Variants in CDADC1 observed in about 807,000 individuals in gnomAD.
The protein encoded by CDADC1 is cytidine and dCMP deaminase domain containing 1, also known as dCTP deaminase.
Under a neutral mutation model 54.9 loss-of-function variants are expected in CDADC1, and 39 were observed. That is an observed-to-expected ratio of 0.71 (90% CI 0.55 to 0.93). The LOEUF (loss-of-function observed/expected upper bound fraction) is 0.93, where lower values mean the gene tolerates loss of function less well. Among genes scored for constraint, CDADC1 ranks in the 40% least tolerant of loss-of-function variants. The pLI, the probability that CDADC1 is intolerant of heterozygous loss-of-function variation, is 0.00. For missense variants in CDADC1, 518 were observed against 618.8 expected (o/e 0.84, Z 1.73); for synonymous variants, 186 against 204.0 (o/e 0.91, Z 0.75).
intron 9 of CDADC1, among the ~76,000 whole-genome samples, chr13:49,289,971 A>G (rs9535192): frequency 0.31 from 47,754 of 151,774 alleles, 7,538 homozygotes; most frequent in East Asian, 0.5. Context: ...ACCTGAGCCC[A>G]GGAGGTTGAG....
In CDADC1 at chr13:49,267,735, G is replaced by T; in HGVS notation, c.676G>T (p.Asp226Tyr). Reference sequence around the variant, plus strand: ...AAAAACATTGCCGGATGCTAACACTGACTTTTATTATGAATGTAAACAAGA... The same window carrying T: ...AAAAACATTGCCGGATGCTAACACTTACTTTTATTATGAATGTAAACAAGA... ...ITKTLPDANT[D>Y]FYYECKQERI... Residue 226 changes from aspartate to tyrosine, a missense_variant, in exon 5 of 10, where the codon GAC becomes TAC. Transcript: ENST00000251108. 6.2e-7 allele frequency: 1 copy of T among 1,611,104 alleles called. No homozygotes were observed. Among genetic ancestry groups the T allele is most frequent in the South Asian group, 1.1e-5 (1 of 90,200 alleles).
intron 5 of CDADC1, among the ~76,000 whole-genome samples, chr13:49,271,598 G>A (rs1952966421): frequency 6.6e-6 from 1 of 151,644 alleles, no homozygotes; most frequent in Non-Finnish European, 1.5e-5. Flanking sequence ...GAAGCCAGGA[G>A]TTGCCTCTTT....
chr13:49,275,885 C>T (rs1953119542), intron 6 of CDADC1, among the ~76,000 whole-genome samples: 1 of 151,636 alleles, frequency 6.6e-6, no homozygotes, highest in Non-Finnish European at 1.5e-5. Flanking sequence ...TCTCCTGTCT[C>T]AGCCTCCCCA....
At chr13:49,268,835 C>T (rs542045361) in intron 5 of CDADC1, among the ~76,000 whole-genome samples, 43 of 152,050 alleles carry the variant, frequency 2.8e-4, no homozygotes, top group Non-Finnish European at 4.9e-4. Context: ...CTTCCAGTTG[C>T]TGGTATGTCT....
rs1332234574 is a variant in CDADC1 at position 49,270,782 on chromosome 13, A to G, written c.1000+2723A>G. On this transcript the variant is annotated intron_variant, in intron 5 of 9. Coordinates refer to ENST00000251108, the MANE Select transcript of CDADC1 (RefSeq NM_030911.4). The stretch of plus-strand genomic sequence containing the variant: ...AATTCTTCCTTAATGATAAATAATA[A>G]CAATGACAGTTTATGGAACACCTAC... Among the ~76,000 whole-genome samples the G allele has an allele frequency of 2.6e-5, 4 of 152,226 alleles. No individual in the cohort carries two copies. In the South Asian group the frequency reaches 8.3e-4, roughly 31 times the overall value.
intron 8 of CDADC1, among the ~76,000 whole-genome samples, chr13:49,281,347 G>A (rs1172285315): frequency 1.3e-5 from 2 of 152,136 alleles, no homozygotes; most frequent in Admixed American, 6.5e-5. Flanking sequence ...GGTGGATAGA[G>A]GTGAAAATAC....
At chr13:49,248,727 C>A (rs903496694) in intron 1 of CDADC1, 144 bp from the exon 2 acceptor site, 12 of 659,742 alleles carry the variant, frequency 1.8e-5, no homozygotes, top group Non-Finnish European at 3.3e-5. Context: ...GCTAAGATAC[C>A]TCTGACTCTC....
intron 6 of CDADC1, among the ~76,000 whole-genome samples, chr13:49,275,487 G>C (rs545597157): frequency 6.6e-6 from 1 of 151,272 alleles, no homozygotes; most frequent in Non-Finnish European, 1.5e-5. Context: ...ATAACACACA[G>C]AGACTGGGGT....
chr13:49,287,063 T>C (rs1953532727), intron 9 of CDADC1, among the ~76,000 whole-genome samples: 1 of 152,194 alleles, frequency 6.6e-6, no homozygotes, highest in African/African-American at 2.4e-5. Flanking sequence ...TCATGGCACA[T>C]GCCTGTAATC....
rs766964554 is a variant in CDADC1, at chr13:49,267,893, C to T, written c.834C>T (p.Asp278=). The T allele has an allele frequency of 1.2e-6, 2 of 1,614,138 alleles. No homozygotes were observed. The highest frequency in any genetic ancestry group is 1.7e-6 in the Non-Finnish European group (2 of 1,180,022). ...GCAATCTAAGGCAAAACATGAAAGACCTTATCCTACTTTTGGCCACAGTAG... is the reference window on the plus strand; with the variant it reads ...GCAATCTAAGGCAAAACATGAAAGATCTTATCCTACTTTTGGCCACAGTAG... The part of the protein sequence containing the change: ...YFSNLRQNMK[D]LILLLATVAS... Residue 278 remains aspartate (D), a synonymous_variant, in exon 5 of 10, where the codon GAC becomes GAT. Coordinates refer to ENST00000251108, the MANE Select transcript of CDADC1 (RefSeq NM_030911.4).
intron 5 of CDADC1, among the ~76,000 whole-genome samples, chr13:49,269,113 G>A (rs1010989339): frequency 6.6e-6 from 1 of 152,176 alleles, no homozygotes; most frequent in Admixed American, 6.5e-5. Context: ...GTGTACTGTA[G>A]TAGGATTTAA....
At position 49,248,022 on chromosome 13, in the gene CDADC1, G is replaced by C. The variant is rs868232118; in HGVS notation, c.-16G>C. On this transcript the variant is annotated 5_prime_UTR_variant, in exon 1 of 10. Transcript: ENST00000251108. ...TGGGAGAGGTTTCCTTGGCAGCAGA[G>C]GACGCTAGGTTTGGGATGAAAGAAG... The C allele has an allele frequency of 9.0e-6, 14 of 1,551,514 alleles. No individual in the cohort carries two copies. Among genetic ancestry groups the C allele is most frequent in the Non-Finnish European group, 1.2e-5 (14 of 1,146,910 alleles).
chr13:49,266,880 A>C (rs908893848), intron 4 of CDADC1, among the ~76,000 whole-genome samples: 4 of 152,184 alleles, frequency 2.6e-5, no homozygotes, highest in African/African-American at 9.7e-5. Flanking sequence ...ATAGAAAACT[A>C]GGCAATATTA....
intron 8 of CDADC1, among the ~76,000 whole-genome samples, chr13:49,283,649 A>C (rs1297417387): frequency 6.6e-6 from 1 of 152,194 alleles, no homozygotes; most frequent in Non-Finnish European, 1.5e-5. Context: ...GAAGAACTTA[A>C]GAAAGGGCAA....
At chr13:49,256,884 T>C (rs989461761) in intron 3 of CDADC1, among the ~76,000 whole-genome samples, 2 of 152,218 alleles carry the variant, frequency 1.3e-5, no homozygotes, top group African/African-American at 4.8e-5. Flanking sequence ...AAAAAAATAG[T>C]GAATCACCAT....
At chr13:49,282,350 C>A (rs1310990620) in intron 8 of CDADC1, among the ~76,000 whole-genome samples, 4 of 149,456 alleles carry the variant, frequency 2.7e-5, no homozygotes, top group African/African-American at 9.9e-5. Flanking sequence ...TGGGCTCAAG[C>A]GATCTGCCTG....
intron 4 of CDADC1, 28 bp downstream of exon 4, chr13:49,259,551 A>T: frequency 1.2e-6 from 2 of 1,604,626 alleles, no homozygotes; most frequent in Non-Finnish European, 1.7e-6. Context: ...TTTGTTGGGG[A>T]TTAAGAGTAT....
intron 8 of CDADC1, among the ~76,000 whole-genome samples, chr13:49,285,613 A>G (rs1953490773): frequency 6.6e-6 from 1 of 152,086 alleles, no homozygotes; most frequent in Admixed American, 6.5e-5. Context: ...TGCCTCCTGT[A>G]GTTAGGGTGT....
At chr13:49,270,369 C>A (rs1242729775) in intron 5 of CDADC1, among the ~76,000 whole-genome samples, 1 of 152,076 alleles carries the variant, frequency 6.6e-6, no homozygotes, top group South Asian at 2.1e-4. Context: ...TACAGGTGAA[C>A]CACCACCATG....
Sources: gnomAD v4.1 joint callset for allele counts (sites outside exome capture counted in the v4.1 genomes callset) on GRCh38, gnomAD v4.1.1 for gene constraint, MANE v1.5 for transcripts, NCBI Gene and HGNC (gene_info 2026-07-23, HGNC 2026-07-21) for gene names.